Variants in KAZN observed in about 807,000 individuals in gnomAD.
KAZN encodes kazrin, periplakin interacting protein.
Under a neutral mutation model 87.4 loss-of-function variants are expected in KAZN, and 40 were observed. The observed-to-expected ratio is 0.46, with a 90% confidence interval of 0.36 to 0.60. KAZN has a LOEUF of 0.60. Ranked by LOEUF, KAZN falls within the 20% of genes least tolerant of loss-of-function variation. The pLI, the probability that KAZN is intolerant of heterozygous loss-of-function variation, is 0.00. For missense variants in KAZN, 898 were observed against 1,073.9 expected (o/e 0.84, Z 2.29); for synonymous variants, 466 against 458.3 (o/e 1.02, Z -0.22).
intron 2 of KAZN, among the ~76,000 whole-genome samples, chr1:14,457,073 C>A (rs999408823): frequency 6.6e-6 from 1 of 152,144 alleles, no homozygotes; most frequent in Admixed American, 6.6e-5. Context: ...GAGCGAGACT[C>A]TATCTCAAAA....
intron 2 of KAZN, among the ~76,000 whole-genome samples, chr1:14,301,775 C>G (rs1437975662): frequency 2.0e-5 from 3 of 152,194 alleles, no homozygotes; most frequent in Non-Finnish European, 4.4e-5. Flanking sequence ...TTGTCAAGTG[C>G]AAGGTACTCC....
intron 2 of KAZN, among the ~76,000 whole-genome samples, chr1:14,498,388 T>C (rs1670065799): frequency 6.6e-6 from 1 of 152,194 alleles, no homozygotes; most frequent in Admixed American, 6.5e-5. Context: ...GCTGGGAAGA[T>C]GCCAAAGAAA....
At chr1:14,572,613 T>C (rs1674938653) in intron 2 of KAZN, among the ~76,000 whole-genome samples, 1 of 152,184 alleles carries the variant, frequency 6.6e-6, no homozygotes, top group African/African-American at 2.4e-5. Context: ...GCCTGGCTTC[T>C]TGTGCACTTG....
intron 2 of KAZN, among the ~76,000 whole-genome samples, chr1:14,366,354 T>C (rs1571409655): frequency 6.6e-6 from 1 of 152,200 alleles, no homozygotes; most frequent in African/African-American, 2.4e-5. Context: ...GCTGGGACAG[T>C]GCAAGGGGTG....
chr1:14,139,986 GTGTGTT>G, intron 1 of KAZN, among the ~76,000 whole-genome samples: 1 of 148,892 alleles, frequency 6.7e-6, no homozygotes, highest in African/African-American at 2.5e-5. Flanking sequence ...ATGTGTGTGT[GTGTGTT>G]AAGTAGGAAG....
intron 1 of KAZN, among the ~76,000 whole-genome samples, chr1:14,956,683 C>T (rs1663154924): frequency 6.6e-6 from 1 of 152,086 alleles, no homozygotes; most frequent in African/African-American, 2.4e-5. Flanking sequence ...TTAGCAGTCA[C>T]TCACACCTTA....
chr1:13,965,853 C>G (rs972201094), intron 1 of KAZN, among the ~76,000 whole-genome samples: 1 of 152,144 alleles, frequency 6.6e-6, no homozygotes, highest in Non-Finnish European at 1.5e-5. Context: ...ATGTTTTCCT[C>G]TGAATTAGGA....
chr1:13,992,399 C>T (rs926129264), intron 1 of KAZN, among the ~76,000 whole-genome samples: 1 of 152,178 alleles, frequency 6.6e-6, no homozygotes, highest in African/African-American at 2.4e-5. Flanking sequence ...ATTCTTCTCT[C>T]TTTACTCTCC....
chr1:14,707,012 G>A (rs4661514), intron 1 of KAZN, among the ~76,000 whole-genome samples: 55,174 of 151,990 alleles, frequency 0.36, 11,022 homozygotes, highest in South Asian at 0.52. Context: ...CTTGTCTCCC[G>A]GAAACTTCAG....
intron 1 of KAZN, among the ~76,000 whole-genome samples, chr1:14,835,660 T>G (rs1647213646): frequency 6.6e-6 from 1 of 152,130 alleles, no homozygotes; most frequent in Non-Finnish European, 1.5e-5. Flanking sequence ...ATGTTAATAG[T>G]GCGTTCCAAG....
intron 1 of KAZN, among the ~76,000 whole-genome samples, chr1:14,059,842 C>T (rs1379311455): frequency 1.3e-5 from 2 of 152,214 alleles, no homozygotes; most frequent in Admixed American, 1.3e-4. Context: ...TTTGGGGAAG[C>T]ATCTCGTAAC....
intron 1 of KAZN, among the ~76,000 whole-genome samples, chr1:14,026,084 A>G (rs1407641258): frequency 1.3e-5 from 2 of 152,204 alleles, no homozygotes; most frequent in African/African-American, 4.8e-5. Context: ...AAAAATGTTT[A>G]TATGAAGGAA....
intron 8 of KAZN, among the ~76,000 whole-genome samples, chr1:15,085,769 AAAGT>A (rs1305542139): frequency 6.6e-6 from 1 of 152,254 alleles, no homozygotes; most frequent in African/African-American, 2.4e-5. Context: ...ATAGAATTAG[AAAGT>A]CCAACTTATA....
chr1:14,466,736 A>C (rs1446836519), intron 2 of KAZN, among the ~76,000 whole-genome samples: 1 of 152,020 alleles, frequency 6.6e-6, no homozygotes. Context: ...CGGGAGGCCG[A>C]GGTGGGCAGA....
chr1:14,773,204 A>G lies in KAZN; in HGVS notation c.226+173981A>G, dbSNP rs1180054439. Among the ~76,000 whole-genome samples the G allele has an allele frequency of 2.6e-5, 4 of 152,192 alleles. No homozygotes were observed. In the South Asian group the frequency reaches 6.2e-4, roughly 24 times the overall value. On this transcript the variant is annotated intron_variant, in intron 1 of 14. Transcript: ENST00000376030. This position sits in a 1 kb window ranked among gnomAD's most constrained non-coding sequence, Gnocchi z 5.9. ...GGAGCCTTTCACAATTATCTTCAGG[A>G]CAAAGACGGCCCCAACACTTCCGGA...
At chr1:14,391,192 C>T (rs1557684956) in intron 2 of KAZN, among the ~76,000 whole-genome samples, 1 of 152,174 alleles carries the variant, frequency 6.6e-6, no homozygotes, top group Non-Finnish European at 1.5e-5. Context: ...TGGTGAGGAG[C>T]AGCTGTGCCA....
At chr1:14,602,858 T>C (rs1444971364) in intron 1 of KAZN, among the ~76,000 whole-genome samples, 4 of 152,376 alleles carry the variant, frequency 2.6e-5, no homozygotes, top group Non-Finnish European at 5.9e-5. Context: ...TGTATTCCTA[T>C]GCAAGTGGAC....
At chr1:14,517,515 A>C (rs1157730260) in intron 2 of KAZN, among the ~76,000 whole-genome samples, 1 of 152,230 alleles carries the variant, frequency 6.6e-6, no homozygotes, top group African/African-American at 2.4e-5. Context: ...GTTAATGCAG[A>C]AATCAAACTG....
intron 5 of KAZN, among the ~76,000 whole-genome samples, chr1:15,058,202 C>T (rs1638473634): frequency 6.6e-6 from 1 of 152,352 alleles, no homozygotes; most frequent in African/African-American, 2.4e-5. Context: ...GCTCATCATA[C>T]ATGTGGCTAC....
Sources: allele counts gnomAD v4.1 joint callset (sites outside exome capture counted in the v4.1 genomes callset), GRCh38; gene constraint gnomAD v4.1.1; non-coding constraint Gnocchi (gnomAD v3.1); transcripts MANE v1.5; gene names NCBI Gene and HGNC (gene_info 2026-07-23, HGNC 2026-07-21).